The following PTPN4 variants were observed in gnomAD, a reference collection of about 807,000 sequenced individuals.
PTPN4 encodes the protein tyrosine-protein phosphatase non-receptor type 4.
Under a neutral mutation model 135.5 loss-of-function variants are expected in PTPN4, and 49 were observed. The observed-to-expected ratio is 0.36, with a 90% CI of 0.29 to 0.46. PTPN4 has a LOEUF of 0.46. Ranked by LOEUF, PTPN4 falls within the 20% of genes least tolerant of loss-of-function variation. The probability of loss-of-function intolerance (pLI) is 1.00; values close to 1 mark genes in which losing one functional copy is unlikely to be tolerated. For missense variants in PTPN4, 860 were observed against 1,101.0 expected (o/e 0.78, Z 3.10); for synonymous variants, 333 against 369.9 (o/e 0.90, Z 1.14).
At chr2:119,876,006 A>C (rs1412006389) in intron 3 of PTPN4, among the ~76,000 whole-genome samples, 1 of 152,178 alleles carries the variant, frequency 6.6e-6, no homozygotes, top group Non-Finnish European at 1.5e-5. Flanking sequence ...GCTGAGACTT[A>C]CGGATAATGA....
chr2:119,761,300 GC>G (rs1256124242), intron 1 of PTPN4, among the ~76,000 whole-genome samples: 1 of 152,126 alleles, frequency 6.6e-6, no homozygotes, highest in East Asian at 1.9e-4. Flanking sequence ...AAAAGCCAGG[GC>G]ATTTTTAAAT....
intron 12 of PTPN4, among the ~76,000 whole-genome samples, chr2:119,925,424 T>C (rs1678809938): frequency 6.6e-6 from 1 of 152,226 alleles, no homozygotes; most frequent in South Asian, 2.1e-4. Context: ...AAGTTAAGCT[T>C]TGCGTTTGTA....
chr2:119,801,079 A>G (rs570825183), intron 1 of PTPN4, among the ~76,000 whole-genome samples: 1 of 151,638 alleles, frequency 6.6e-6, no homozygotes, highest in South Asian at 2.1e-4. Context: ...TTGCCTTTCC[A>G]TATTAATTTT....
chr2:119,960,670 A>G, intron 22 of PTPN4, 137 bp from the exon 23 acceptor site: 3 of 654,044 alleles, frequency 4.6e-6, no homozygotes, highest in Non-Finnish European at 6.9e-6. Context: ...GAAATTGTTA[A>G]TAAAGATTTG....
At chr2:119,874,163 A>G (rs1677952573) in intron 3 of PTPN4, among the ~76,000 whole-genome samples, 2 of 152,214 alleles carry the variant, frequency 1.3e-5, no homozygotes, top group African/African-American at 2.4e-5. Context: ...TGGGATGGCT[A>G]TAATTTTTTA....
chr2:119,906,892 A>G (rs1175413949), intron 10 of PTPN4, among the ~76,000 whole-genome samples: 1 of 152,186 alleles, frequency 6.6e-6, no homozygotes, highest in Admixed American at 6.5e-5. Flanking sequence ...CTTTGCAGAA[A>G]ACCTGATCAT....
chr2:119,944,774 G>A (rs1380885100), intron 15 of PTPN4, among the ~76,000 whole-genome samples: 1 of 151,968 alleles, frequency 6.6e-6, no homozygotes, highest in African/African-American at 2.4e-5. Flanking sequence ...GGCTACCCGT[G>A]ACTCCTCTGA....
chr2:119,932,358 G>T, intron 13 of PTPN4, 66 bp from the exon 14 acceptor site: 1 of 1,394,650 alleles, frequency 7.2e-7, no homozygotes, highest in Non-Finnish European at 9.6e-7. Context: ...CAAATTGTAG[G>T]ATTTGATTCA....
Position 119,903,276 on chromosome 2 carries a change from G to T in PTPN4, c.764+2470G>T, listed in dbSNP as rs113046357. Among the ~76,000 whole-genome samples the T allele has an allele frequency of 1.4e-4, 21 of 152,154 alleles. 1 individual carries two copies. The highest frequency in any genetic ancestry group is 3.1e-4 in the Non-Finnish European group (21 of 67,984). Reference sequence around the variant, plus strand: ...CACTGTACAGCTGCATGTGCCTTTGGGGGGCTAAGTAAGGACTGGCCTATC... The same window carrying T: ...CACTGTACAGCTGCATGTGCCTTTGTGGGGCTAAGTAAGGACTGGCCTATC... On this transcript the variant is annotated intron_variant, in intron 10 of 26. Transcript: ENST00000263708.
chr2:119,809,200 G>A (rs1425165090), intron 1 of PTPN4, among the ~76,000 whole-genome samples: 3 of 151,294 alleles, frequency 2.0e-5, no homozygotes, highest in Non-Finnish European at 4.4e-5. Context: ...ATCTAGTATC[G>A]CTGATATCAC....
At chr2:119,785,080 G>A (rs1202834996) in intron 1 of PTPN4, among the ~76,000 whole-genome samples, 1 of 152,206 alleles carries the variant, frequency 6.6e-6, no homozygotes, top group Admixed American at 6.5e-5. Flanking sequence ...TGATTGTCCT[G>A]TGCAATCCGT....
intron 2 of PTPN4, among the ~76,000 whole-genome samples, chr2:119,849,568 G>A (rs1677560118): frequency 6.6e-6 from 1 of 152,202 alleles, no homozygotes; most frequent in Non-Finnish European, 1.5e-5. Flanking sequence ...ATCCCAAAGT[G>A]TTGGGATTAG....
At chr2:119,974,703 G>A (rs570873473) in intron 26 of PTPN4, among the ~76,000 whole-genome samples, 4 of 152,078 alleles carry the variant, frequency 2.6e-5, no homozygotes, top group Non-Finnish European at 4.4e-5. Context: ...CAAGAAGCCC[G>A]GTTCTTTTTA....
intron 1 of PTPN4, among the ~76,000 whole-genome samples, chr2:119,780,769 A>T (rs995618813): frequency 1.3e-5 from 2 of 152,184 alleles, no homozygotes; most frequent in Non-Finnish European, 2.9e-5. Flanking sequence ...CATTGTAAAG[A>T]TATCGTTTCC....
At chr2:119,969,977 G>A (rs1679505506) in intron 26 of PTPN4, among the ~76,000 whole-genome samples, 1 of 152,108 alleles carries the variant, frequency 6.6e-6, no homozygotes, top group African/African-American at 2.4e-5. Context: ...ATAAAATTCA[G>A]CCGCTTAAAG....
intron 10 of PTPN4, among the ~76,000 whole-genome samples, chr2:119,905,270 C>G (rs1444770391): frequency 6.6e-6 from 1 of 151,992 alleles, no homozygotes; most frequent in African/African-American, 2.4e-5. Flanking sequence ...CTGTAAAAAG[C>G]ACAATAGACT....
chr2:119,943,960 A>G (rs1000698172), intron 15 of PTPN4, among the ~76,000 whole-genome samples: 3 of 152,138 alleles, frequency 2.0e-5, no homozygotes, highest in Non-Finnish European at 4.4e-5. Flanking sequence ...GTCATTGGCC[A>G]AAGCAAGTCA....
At chr2:119,868,946 C>T (rs1347045895) in intron 3 of PTPN4, among the ~76,000 whole-genome samples, 3 of 152,148 alleles carry the variant, frequency 2.0e-5, no homozygotes, top group East Asian at 1.9e-4. Flanking sequence ...AGGGTCTCCC[C>T]GACTGAGCTG....
chr2:119,984,834 C>A lies in PTPN4; in HGVS notation c.*7764C>A, dbSNP rs6542554. Reference sequence around the variant, plus strand: ...AACAGTTGTTCAGGTACAAACATGACAAACAACTCTAGCTATGACTCTTAA... The same window carrying A: ...AACAGTTGTTCAGGTACAAACATGAAAAACAACTCTAGCTATGACTCTTAA... On this transcript the variant is annotated 3_prime_UTR_variant, in exon 27 of 27. Transcript: ENST00000263708. 0.97 allele frequency among the ~76,000 whole-genome samples: 147,443 copies of A among 152,332 alleles called. 71,510 individuals are homozygous for A. The highest frequency in any genetic ancestry group is 1 in the East Asian group (5,182 of 5,182).
Sources: allele counts gnomAD v4.1 joint callset (sites outside exome capture counted in the v4.1 genomes callset), GRCh38; gene constraint gnomAD v4.1.1; transcripts MANE v1.5; gene names NCBI Gene and HGNC (gene_info 2026-07-23, HGNC 2026-07-21).